Variants in SLC25A17 observed in about 807,000 individuals in gnomAD.
SLC25A17 encodes the protein solute carrier family 25 member 17, also known as peroxisomal membrane protein PMP34.
A neutral mutation model predicts 38.5 loss-of-function variants in SLC25A17; 26 were observed. The observed-to-expected ratio is 0.68, with a 90% CI of 0.50 to 0.94. The LOEUF (loss-of-function observed/expected upper bound fraction) is 0.94, where lower values mean the gene tolerates loss of function less well. Ranked by LOEUF, SLC25A17 falls within the 40% of genes least tolerant of loss-of-function variation. The probability of loss-of-function intolerance (pLI) is 0.00; values close to 1 mark genes in which losing one functional copy is unlikely to be tolerated. For synonymous variants in SLC25A17, 139 were observed against 136.2 expected, an observed-to-expected ratio of 1.02 and a Z score of -0.14; for missense variants, 333 against 372.7, an observed-to-expected ratio of 0.89 and a Z score of 0.88.
rs2057613017 is a variant in SLC25A17, at chr22:40,814,353, C to T, written c.54+4842G>A. Among the ~76,000 whole-genome samples, 3 of 152,316 alleles carry T rather than the reference C, an allele frequency of 2.0e-5. No homozygotes were observed. In the Middle Eastern group the frequency reaches 0.01, roughly 518 times the overall value. ...ACACTGCCATGATGAAACCAGGATA[C>T]TTGTCTATATCACTCTCCCCGGACT... On this transcript the variant is annotated intron_variant, in intron 1 of 8. Transcript: ENST00000435456.
At chr22:40,801,086 A>C (rs1331418454) in intron 1 of SLC25A17, among the ~76,000 whole-genome samples, 1 of 148,828 alleles carries the variant, frequency 6.7e-6, no homozygotes, top group Non-Finnish European at 1.5e-5. Context: ...CCTGGGCAAA[A>C]GAGACTCTGT....
chr22:40,812,053 CTT>C (rs372260313), intron 1 of SLC25A17, among the ~76,000 whole-genome samples: 1 of 151,562 alleles, frequency 6.6e-6, no homozygotes, highest in Non-Finnish European at 1.5e-5. Flanking sequence ...CTCTCTCTCT[CTT>C]TCTTTTTAAC....
chr22:40,769,847 A>T lies in SLC25A17; in HGVS notation c.*987T>A, dbSNP rs2057164474. ...GCCCAGCAAGCTCTCAGCTTGTGGC[A>T]GTACTACCGTCTGATGGACCACACT... On this transcript the variant is annotated 3_prime_UTR_variant, in exon 9 of 9. Transcript: ENST00000435456. 6.6e-6 allele frequency: 1 copy of T among 152,218 alleles called. No individual in the cohort carries two copies. Among genetic ancestry groups the T allele is most frequent in the African/African-American group, 2.4e-5 (1 of 41,456 alleles). 9.4% of individuals were successfully genotyped at this position (152,218 alleles called of 1,614,324 possible). A position where few individuals can be genotyped will look rare whatever the true frequency, so the allele number is the denominator to read the frequency against.
At chr22:40,781,158 T>C (rs2057290605) in intron 4 of SLC25A17, among the ~76,000 whole-genome samples, 1 of 151,624 alleles carries the variant, frequency 6.6e-6, no homozygotes, top group Non-Finnish European at 1.5e-5. Flanking sequence ...GGCAACAGAG[T>C]GAGACCTTTT....
chr22:40,780,726 A>G lies in SLC25A17; in HGVS notation c.335-1601T>C, dbSNP rs145253722. Among the ~76,000 whole-genome samples, 4 of 152,384 alleles carry G rather than the reference A, an allele frequency of 2.6e-5. No individual in the cohort carries two copies. In the East Asian group the frequency reaches 7.7e-4, roughly 29 times the overall value. On this transcript the variant is annotated intron_variant, in intron 4 of 8. Coordinates refer to ENST00000435456, the MANE Select transcript of SLC25A17 (RefSeq NM_006358.4). ...GCTTCCACAGATACCGTAGAAAGGT[A>G]TAGTGCACCCACCTTTCTAAACAAG...
In SLC25A17 at chr22:40,819,216, G is replaced by A. The variant is rs2057671945; in HGVS notation, c.33C>T (p.Val11=). MASVLSYESL[V]HAVAGAVGSV... ...TCACCACGGCTCCGGCCACGGCGTG[G>A]ACCAGGCTTTCGTAGGACAGCACGG... Residue 11 remains valine (V), a synonymous_variant, in exon 1 of 9, where the codon GTC becomes GTT. Coordinates refer to ENST00000435456, the MANE Select transcript of SLC25A17 (RefSeq NM_006358.4). 9 of 1,613,802 alleles carry A rather than the reference G, an allele frequency of 5.6e-6. No homozygotes were observed. The highest frequency in any genetic ancestry group is 7.6e-6 in the Non-Finnish European group (9 of 1,180,018).
At chr22:40,812,864 C>T (rs1402418306) in intron 1 of SLC25A17, among the ~76,000 whole-genome samples, 1 of 151,890 alleles carries the variant, frequency 6.6e-6, no homozygotes, top group Non-Finnish European at 1.5e-5. Context: ...GAGACTTAGT[C>T]TCAAAACAAA....
At chr22:40,794,613 T>C in intron 2 of SLC25A17, 33 bp from the exon 3 acceptor site, 1 of 1,465,906 alleles carries the variant, frequency 6.8e-7, no homozygotes, top group African/African-American at 1.4e-5. Context: ...TTTATTTTAT[T>C]AATTAAAAAA....
chr22:40,773,816 G>A, intron 8 of SLC25A17, 121 bp downstream of exon 8: 1 of 736,582 alleles, frequency 1.4e-6, no homozygotes, highest in South Asian at 1.5e-5. Flanking sequence ...AGCAAGCAAG[G>A]GAAAGGTTTT....
chr22:40,781,014 A>G (rs540231160), intron 4 of SLC25A17, among the ~76,000 whole-genome samples: 3 of 151,912 alleles, frequency 2.0e-5, no homozygotes, highest in Non-Finnish European at 4.4e-5. Context: ...TAAAAAAAAT[A>G]TTAAAAATTA....
In SLC25A17 at chr22:40,770,755, TC is replaced by T; in HGVS notation, c.*78del. On this transcript the variant is annotated 3_prime_UTR_variant, in exon 9 of 9. Coordinates refer to ENST00000435456, the MANE Select transcript of SLC25A17 (RefSeq NM_006358.4). Reference sequence around the variant, plus strand: ...ACATTTGTGGTGGCAGGAGCCAGAGTCAAGGGAGAATCACTTCTCTTCACTC... The same window carrying T: ...ACATTTGTGGTGGCAGGAGCCAGAGTAAGGGAGAATCACTTCTCTTCACTC... The T allele has an allele frequency of 6.9e-7, 1 of 1,446,586 alleles. No homozygotes were observed. Among genetic ancestry groups the T allele is most frequent in the East Asian group, 2.4e-5 (1 of 42,006 alleles). 89.6% of individuals were successfully genotyped at this position (1,446,586 alleles called of 1,614,324 possible).
intron 1 of SLC25A17, among the ~76,000 whole-genome samples, chr22:40,809,037 T>G (rs1310196164): frequency 6.6e-6 from 1 of 152,074 alleles, no homozygotes; most frequent in Non-Finnish European, 1.5e-5. Context: ...ATTCATCTTA[T>G]GACGTTTTGG....
chr22:40,801,852 G>A lies in SLC25A17; in HGVS notation c.55-2769C>T, dbSNP rs539649499. On this transcript the variant is annotated intron_variant, in intron 1 of 8. Transcript: ENST00000435456. Reference sequence around the variant, plus strand: ...GTTGCCCAGACTGGAGGGCAATGGCGGGATTTCGGCTCACTGCAACCTCCA... The same window carrying A: ...GTTGCCCAGACTGGAGGGCAATGGCAGGATTTCGGCTCACTGCAACCTCCA... Among the ~76,000 whole-genome samples the A allele has an allele frequency of 8.5e-5, 13 of 152,164 alleles. No individual in the cohort carries two copies. The East Asian group carries it at 1.2e-3, about 14-fold the overall frequency.
chr22:40,817,728 A>T (rs1317503469), intron 1 of SLC25A17, among the ~76,000 whole-genome samples: 1 of 152,090 alleles, frequency 6.6e-6, no homozygotes, highest in Non-Finnish European at 1.5e-5. Context: ...TCTACTCTCA[A>T]CACAGCAGCC....
chr22:40,780,934 C>G (rs1363468517), intron 4 of SLC25A17, among the ~76,000 whole-genome samples: 1 of 152,048 alleles, frequency 6.6e-6, no homozygotes, highest in African/African-American at 2.4e-5. Context: ...CTTTGAGAGG[C>G]TGATATGGGA....
chr22:40,770,994 AGGTTT>A lies in SLC25A17; in HGVS notation c.777-18_777-14del. 6.5e-7 allele frequency: 1 copy of A among 1,545,002 alleles called. No individual in the cohort carries two copies. Among genetic ancestry groups the A allele is most frequent in the Admixed American group, 1.9e-5 (1 of 53,324 alleles). ...TATTCCAAAACGTCTAAAGGGAAAGAGGTTTGAAAAAACAGAAGTCAGCTCCTGCA... is the reference window on the plus strand; with the variant it reads ...TATTCCAAAACGTCTAAAGGGAAAGAGAAAAAACAGAAGTCAGCTCCTGCA... On this transcript the variant is annotated splice_polypyrimidine_tract_variant and intron_variant, in intron 8 of 8. Transcript: ENST00000435456.
At chr22:40,802,638 T>G (rs1194414470) in intron 1 of SLC25A17, among the ~76,000 whole-genome samples, 1 of 151,718 alleles carries the variant, frequency 6.6e-6, no homozygotes, top group Non-Finnish European at 1.5e-5. Flanking sequence ...AGAGGGAAAC[T>G]CCTTCTCAAA....
At chr22:40,805,813 C>T (rs974360195) in intron 1 of SLC25A17, among the ~76,000 whole-genome samples, 1 of 152,220 alleles carries the variant, frequency 6.6e-6, no homozygotes, top group African/African-American at 2.4e-5. Flanking sequence ...TCTACAAGAA[C>T]TACAGAAAAT....
rs771971329 is a variant in SLC25A17, at chr22:40,777,166, A to C, written c.598-31T>G. The stretch of plus-strand genomic sequence containing the variant: ...AAGCAAAGGAAGAACAAACCATATC[A>C]ATCAAGTCAACAAGAAGGTGTCAGA... On this transcript the variant is annotated intron_variant, in intron 6 of 8. Coordinates refer to ENST00000435456, the MANE Select transcript of SLC25A17 (RefSeq NM_006358.4). The C allele has an allele frequency of 5.6e-6, 9 of 1,613,820 alleles. No homozygotes were observed. In the Admixed American group the frequency reaches 1.5e-4, roughly 27 times the overall value.
Sources: gnomAD v4.1 joint callset for allele counts (sites outside exome capture counted in the v4.1 genomes callset) on GRCh38, gnomAD v4.1.1 for gene constraint, MANE v1.5 for transcripts, NCBI Gene and HGNC (gene_info 2026-07-23, HGNC 2026-07-21) for gene names.